The following SDK1 variants were observed in gnomAD, a reference collection of about 807,000 sequenced individuals.
The protein encoded by SDK1 is sidekick cell adhesion molecule 1.
SDK1 carries 157 observed loss-of-function variants against 245.5 expected under a neutral mutation model. That is an observed-to-expected ratio of 0.64 (90% CI 0.56 to 0.73). The LOEUF (loss-of-function observed/expected upper bound fraction) is 0.73, where lower values mean the gene tolerates loss of function less well. Among genes scored for constraint, SDK1 ranks in the 30% least tolerant of loss-of-function variants. The pLI, the probability that SDK1 is intolerant of heterozygous loss-of-function variation, is 0.00. For synonymous variants in SDK1, 1,647 were observed against 1,278.5 expected (o/e 1.29, Z -6.15); for missense variants, 3,583 against 3,002.3 (o/e 1.19, Z -4.52).
At position 4,241,817 on chromosome 7, in the gene SDK1, A is replaced by G; in HGVS notation, c.6155A>G (p.Glu2052Gly). ...STGKGISTMEESVTLDNGGFA... is the reference protein window; with the variant it reads ...STGKGISTMEGSVTLDNGGFA... ...GGAAAGGGGATCTCCACCATGGAGG[A>G]GTCTGTGACCCTGGACAACGGAGGA... The change falls in exon 43 of 45, where the codon GAG becomes GGG. Residue 2052 changes from glutamate to glycine, a missense_variant. Transcript: ENST00000404826. The G allele has an allele frequency of 1.2e-6, 2 of 1,614,182 alleles. No homozygotes were observed. Among genetic ancestry groups the G allele is most frequent in the Non-Finnish European group, 1.7e-6 (2 of 1,180,028 alleles).
At chr7:4,088,757 T>C (rs536723961) in intron 22 of SDK1, among the ~76,000 whole-genome samples, 1 of 152,362 alleles carries the variant, frequency 6.6e-6, no homozygotes, top group African/African-American at 2.4e-5. Context: ...GTTGTATCCA[T>C]GTTCATAAGT....
intron 4 of SDK1, among the ~76,000 whole-genome samples, chr7:3,651,009 T>C (rs1248268455): frequency 6.6e-6 from 1 of 152,148 alleles, no homozygotes; most frequent in East Asian, 1.9e-4. Flanking sequence ...ATGAATAAAG[T>C]TGCTATAAAC....
At chr7:3,604,719 C>G (rs1193573164) in intron 1 of SDK1, among the ~76,000 whole-genome samples, 2 of 151,180 alleles carry the variant, frequency 1.3e-5, no homozygotes, top group Non-Finnish European at 2.9e-5. Flanking sequence ...TCTGCTGCCT[C>G]AGCCTCCAGA....
At position 3,847,841 on chromosome 7, in the gene SDK1, A is replaced by G. The variant is rs78630987; in HGVS notation, c.847+26258A>G. Among the ~76,000 whole-genome samples, 367 of 152,388 alleles carry G rather than the reference A, an allele frequency of 2.4e-3. 2 individuals carry two copies. The highest frequency in any genetic ancestry group is 8.6e-3 in the African/African-American group (359 of 41,592). On this transcript the variant is annotated intron_variant, in intron 5 of 44. Coordinates refer to ENST00000404826, the MANE Select transcript of SDK1 (RefSeq NM_152744.4). ...CTTAGATGACACCATTTTCTATTTC[A>G]AAAGTATGTGGAAAACATTTTCTTT...
Position 3,620,249 on chromosome 7 carries a change from T to G in SDK1, c.458+1010T>G, listed in dbSNP as rs527989638. 5.0e-4 allele frequency among the ~76,000 whole-genome samples: 76 copies of G among 152,128 alleles called. 2 individuals carry two copies. The South Asian group carries it at 0.015, about 31-fold the overall frequency. ...AATTTATGTGTGTGTCAGTTGTCTGTGTGTTTGTATTTTAAAAATCAATTA... is the reference window on the plus strand; with the variant it reads ...AATTTATGTGTGTGTCAGTTGTCTGGGTGTTTGTATTTTAAAAATCAATTA... On this transcript the variant is annotated intron_variant, in intron 2 of 44. Transcript: ENST00000404826.
At chr7:3,579,436 C>T (rs1780412269) in intron 1 of SDK1, among the ~76,000 whole-genome samples, 1 of 152,192 alleles carries the variant, frequency 6.6e-6, no homozygotes, top group Admixed American at 6.5e-5. Flanking sequence ...ACATGATTAT[C>T]TCAATAGGTG....
intron 1 of SDK1, among the ~76,000 whole-genome samples, chr7:3,427,285 G>A (rs6462070): frequency 0.15 from 22,889 of 152,144 alleles, 1,708 homozygotes; most frequent in South Asian, 0.21. Context: ...TTGGGAGGCC[G>A]AGACAGACGG....
At chr7:3,756,076 C>T (rs111833210) in intron 4 of SDK1, among the ~76,000 whole-genome samples, 5,162 of 146,574 alleles carry the variant, frequency 0.035, 314 homozygotes, top group African/African-American at 0.12. Context: ...TGACTCCTTT[C>T]ACATGGCATA....
At chr7:3,610,964 G>T (rs184730116) in intron 1 of SDK1, among the ~76,000 whole-genome samples, 36 of 152,336 alleles carry the variant, frequency 2.4e-4, no homozygotes, top group African/African-American at 8.7e-4. Flanking sequence ...TGATGACTTT[G>T]TGGTGAGATC....
At chr7:3,366,352 CT>C (rs1245911458) in intron 1 of SDK1, among the ~76,000 whole-genome samples, 83 of 146,166 alleles carry the variant, frequency 5.7e-4, no homozygotes, top group Admixed American at 5.5e-4. Flanking sequence ...CTCCTCCTTT[CT>C]TTTTTTTTTT....
intron 4 of SDK1, among the ~76,000 whole-genome samples, chr7:3,790,688 C>T (rs1369328027): frequency 6.6e-6 from 1 of 152,112 alleles, no homozygotes; most frequent in African/African-American, 2.4e-5. Flanking sequence ...TGCCTGTGAT[C>T]CCAGCTACTC....
At chr7:3,785,734 A>G (rs1330158733) in intron 4 of SDK1, among the ~76,000 whole-genome samples, 5 of 152,164 alleles carry the variant, frequency 3.3e-5, no homozygotes. Context: ...CATGATTATA[A>G]GACTTCTGAG....
intron 32 of SDK1, among the ~76,000 whole-genome samples, chr7:4,168,835 C>A (rs897655939): frequency 9.9e-5 from 15 of 152,170 alleles, no homozygotes; most frequent in Admixed American, 2.0e-4. Context: ...GCCTCTTCGT[C>A]ATGCTGATAG....
intron 32 of SDK1, among the ~76,000 whole-genome samples, chr7:4,162,780 G>GC (rs1218313282): frequency 6.6e-6 from 1 of 152,174 alleles, no homozygotes; most frequent in African/African-American, 2.4e-5. Context: ...TCCTTGTTGG[G>GC]CCTGCTCAGC....
At chr7:3,799,295 ATTC>A (rs1779044928) in intron 4 of SDK1, among the ~76,000 whole-genome samples, 1 of 151,826 alleles carries the variant, frequency 6.6e-6, no homozygotes, top group African/African-American at 2.4e-5. Context: ...GGATCCAGTA[ATTC>A]TTCTATCTCA....
intron 5 of SDK1, among the ~76,000 whole-genome samples, chr7:3,837,985 C>G (rs1287127744): frequency 4.6e-5 from 7 of 152,086 alleles, no homozygotes; most frequent in Admixed American, 2.0e-4. Flanking sequence ...TCCCAGGTCC[C>G]CTTGAGAGCC....
At chr7:3,434,456 C>G (rs1250309740) in intron 1 of SDK1, among the ~76,000 whole-genome samples, 1 of 152,196 alleles carries the variant, frequency 6.6e-6, no homozygotes, top group African/African-American at 2.4e-5. Context: ...GTGCCAACCA[C>G]TTCTCTTGGA....
chr7:4,200,355 G>T (rs552913710), intron 35 of SDK1, among the ~76,000 whole-genome samples: 1 of 152,250 alleles, frequency 6.6e-6, no homozygotes, highest in Non-Finnish European at 1.5e-5. Flanking sequence ...CAGCTGGGAT[G>T]TATCAGTCAG....
intron 5 of SDK1, among the ~76,000 whole-genome samples, chr7:3,917,485 C>T (rs971272735): frequency 5.9e-5 from 9 of 152,118 alleles, no homozygotes; most frequent in Admixed American, 1.3e-4. Flanking sequence ...CACAGGTGAG[C>T]CCCTCCCTGT....
Sources: allele counts gnomAD v4.1 joint callset (sites outside exome capture counted in the v4.1 genomes callset), GRCh38; gene constraint gnomAD v4.1.1; transcripts MANE v1.5; gene names NCBI Gene and HGNC (gene_info 2026-07-23, HGNC 2026-07-21).